The following TVP23C variants were observed in gnomAD, a reference collection of about 807,000 sequenced individuals.
TVP23C encodes the protein trans-golgi network vesicle protein 23 homolog C.
TVP23C carries 19 observed loss-of-function variants against 28.7 expected under a neutral mutation model. That is an observed-to-expected ratio of 0.66 (90% CI 0.46 to 0.97). The LOEUF (loss-of-function observed/expected upper bound fraction) is 0.97, where lower values mean the gene tolerates loss of function less well. Ranked by LOEUF, TVP23C falls within the 50% of genes least tolerant of loss-of-function variation. The pLI is 0.00. For missense variants in TVP23C, 186 were observed against 241.3 expected, an observed-to-expected ratio of 0.77 and a Z score of 1.52; for synonymous variants, 68 against 81.7, an observed-to-expected ratio of 0.83 and a Z score of 0.90.
At chr17:15,553,160 C>T (rs1983970094) in intron 3 of TVP23C, among the ~76,000 whole-genome samples, 1 of 135,930 alleles carries the variant, frequency 7.4e-6, no homozygotes, top group African/African-American at 2.9e-5. Flanking sequence ...CACCTCCAGT[C>T]ATGACAACCA....
exon 6 of TVP23C, chr17:15,502,684 T>C (rs1981500671): frequency 1.8e-6 from 2 of 1,096,206 alleles, no homozygotes; most frequent in Non-Finnish European, 2.5e-6. Flanking sequence ...CCCTTAGTTT[T>C]ACAAGTTCCC....
chr17:15,506,115 C>T (rs923967231), intron 5 of TVP23C, among the ~76,000 whole-genome samples: 2 of 152,254 alleles, frequency 1.3e-5, no homozygotes, highest in South Asian at 4.1e-4. Flanking sequence ...CCTGCAGCCC[C>T]GGTGCGGGAT....
chr17:15,522,933 C>T (rs139420112), intron 5 of TVP23C, among the ~76,000 whole-genome samples: 3,256 of 151,930 alleles, frequency 0.021, 118 homozygotes, highest in African/African-American at 0.072. Context: ...ACCACCAGAG[C>T]GAGATTCCCT....
intron 1 of TVP23C, among the ~76,000 whole-genome samples, chr17:15,556,925 A>G (rs1984159235): frequency 6.6e-6 from 1 of 151,536 alleles, no homozygotes; most frequent in African/African-American, 2.4e-5. Flanking sequence ...AGAAGATCAC[A>G]GAATCTAATG....
chr17:15,514,067 G>C (rs375195038), intron 5 of TVP23C, among the ~76,000 whole-genome samples: 1 of 152,192 alleles, frequency 6.6e-6, no homozygotes, highest in Non-Finnish European at 1.5e-5. Flanking sequence ...TCTTATCACC[G>C]TTCATGGGGT....
At chr17:15,503,193 A>G (rs1231022834) in exon 6 of TVP23C, 13 of 1,567,722 alleles carry the variant, frequency 8.3e-6, no homozygotes, top group South Asian at 1.2e-5. Flanking sequence ...CTTGAGCCCA[A>G]GACTTTCAGA....
downstream of TVP23C, among the ~76,000 whole-genome samples, chr17:15,535,393 G>A (rs1983114030): frequency 6.7e-6 from 1 of 150,072 alleles, no homozygotes; most frequent in South Asian, 2.2e-4. Context: ...AGTCAAATGT[G>A]CCCACAGGGA....
intron 1 of TVP23C, 107 bp from the exon 2 acceptor site, chr17:15,555,471 G>A: frequency 6.7e-7 from 1 of 1,489,118 alleles, no homozygotes; most frequent in Non-Finnish European, 9.1e-7. Flanking sequence ...AAATAATGTG[G>A]TTACAGCATC....
intron 3 of TVP23C, among the ~76,000 whole-genome samples, chr17:15,551,381 T>C (rs1052595086): frequency 2.6e-5 from 4 of 151,816 alleles, no homozygotes; most frequent in Non-Finnish European, 5.9e-5. Flanking sequence ...GCTGGGATTA[T>C]AGGCATGAGC....
chr17:15,525,855 T>C (rs1267324848), intron 5 of TVP23C, among the ~76,000 whole-genome samples: 1 of 152,202 alleles, frequency 6.6e-6, no homozygotes, highest in East Asian at 1.9e-4. Flanking sequence ...ATGTACTAGA[T>C]GCACCATGAC....
intron 5 of TVP23C, among the ~76,000 whole-genome samples, chr17:15,515,639 G>GGT (rs1419954395): frequency 6.6e-6 from 1 of 152,160 alleles, no homozygotes; most frequent in Non-Finnish European, 1.5e-5. Flanking sequence ...AGGAAGGCCA[G>GGT]GTGATAGAGG....
rs1981777515 is a variant in TVP23C at position 15,506,940 on chromosome 17, T to G, written c.463-3708A>C. 2.5e-6 allele frequency: 3 copies of G among 1,188,006 alleles called. No homozygotes were observed. The African/African-American group carries it at 4.5e-5, about 18-fold the overall frequency. The allele number at this position is 1,188,006 out of a possible 1,614,324, so 73.6% of individuals were successfully genotyped here. A position where few individuals can be genotyped will look rare whatever the true frequency, so the allele number is the denominator to read the frequency against. On this transcript the variant is annotated intron_variant, in intron 5 of 5. Transcript: ENST00000225576. ...TGGGCCGCATCTCCTTTGAGCTGTT[T>G]GCAAACAAGATTCCAAAGACGGCAG...
intron 5 of TVP23C, among the ~76,000 whole-genome samples, chr17:15,512,881 T>A (rs1358561043): frequency 6.6e-6 from 1 of 152,162 alleles, no homozygotes; most frequent in Non-Finnish European, 1.5e-5. Context: ...TCCATCCCCA[T>A]GGAGTCCCCC....
intron 5 of TVP23C, among the ~76,000 whole-genome samples, chr17:15,504,006 G>GAAAC (rs1981609284): frequency 6.8e-6 from 1 of 147,116 alleles, no homozygotes; most frequent in Non-Finnish European, 1.5e-5. Flanking sequence ...CCTAAGGATG[G>GAAAC]TTTCTCAGGG....
chr17:15,534,514 A>C (rs1344036867), downstream of TVP23C, among the ~76,000 whole-genome samples: 1 of 150,072 alleles, frequency 6.7e-6, no homozygotes, highest in African/African-American at 2.5e-5. Flanking sequence ...AATAAGCTCT[A>C]AGAGTTATAT....
At chr17:15,549,531 T>C (rs1293104306) in intron 3 of TVP23C, among the ~76,000 whole-genome samples, 1 of 151,816 alleles carries the variant, frequency 6.6e-6, no homozygotes, top group East Asian at 1.9e-4. Context: ...ATACAAAAAT[T>C]CGCTAGGGAT....
intron 1 of TVP23C, 34 bp from the exon 2 acceptor site, chr17:15,555,398 CA>C (rs747675422): frequency 1.2e-6 from 2 of 1,613,722 alleles, no homozygotes; most frequent in South Asian, 2.2e-5. Context: ...AGAAGCAAAA[CA>C]AAATTCAGTG....
intron 5 of TVP23C, among the ~76,000 whole-genome samples, chr17:15,528,470 A>G (rs1027755292): frequency 6.6e-6 from 1 of 152,150 alleles, no homozygotes; most frequent in African/African-American, 2.4e-5. Context: ...TATACTTTGT[A>G]TGACTTCGAT....
chr17:15,527,018 G>A (rs1195938988), intron 5 of TVP23C, among the ~76,000 whole-genome samples: 1 of 152,072 alleles, frequency 6.6e-6, no homozygotes, highest in Non-Finnish European at 1.5e-5. Context: ...AGTTACTCAC[G>A]GTAAAGTTCC....
Sources: gnomAD v4.1 joint callset for allele counts (sites outside exome capture counted in the v4.1 genomes callset) on GRCh38, gnomAD v4.1.1 for gene constraint, MANE v1.5 for transcripts, NCBI Gene and HGNC (gene_info 2026-07-23, HGNC 2026-07-21) for gene names.